The following NEK11 variants were observed in gnomAD, a reference collection of about 807,000 sequenced individuals.
NEK11 encodes the protein NIMA related kinase 11, also known as serine/threonine-protein kinase Nek11.
A neutral mutation model predicts 80.7 loss-of-function variants in NEK11; 72 were observed. That is an observed-to-expected ratio of 0.89 (90% CI 0.74 to 1.08). The LOEUF is 1.08. Ranked by LOEUF, NEK11 falls within the 50% of genes least tolerant of loss-of-function variation. NEK11 has a pLI of 0.00. For missense variants in NEK11, 764 were observed against 763.6 expected (o/e 1.00, Z -0.01); for synonymous variants, 251 against 260.7 (o/e 0.96, Z 0.36).
intron 14 of NEK11, among the ~76,000 whole-genome samples, chr3:131,227,889 A>G (rs1009079233): frequency 2.0e-5 from 3 of 152,272 alleles, no homozygotes; most frequent in African/African-American, 4.8e-5. Flanking sequence ...GCTTATTGTC[A>G]TCAGCTTAGG....
At position 131,273,458 on chromosome 3, in the gene NEK11, G is replaced by C. The variant is rs1173039757; in HGVS notation, c.1622-20G>C. The stretch of plus-strand genomic sequence containing the variant: ...CAGGATTGCTGATGAAGTCAATAAG[G>C]GCTGTGCATTGATTTTCAGACACAA... On this transcript the variant is annotated intron_variant, in intron 16 of 17. Transcript: ENST00000383366. 1.3e-6 allele frequency: 2 copies of C among 1,594,438 alleles called. No homozygotes were observed. Among genetic ancestry groups the C allele is most frequent in the African/African-American group, 1.3e-5 (1 of 74,470 alleles).
chr3:131,313,194 G>A (rs1273610478), intron 17 of NEK11, among the ~76,000 whole-genome samples: 4 of 152,138 alleles, frequency 2.6e-5, no homozygotes, highest in Admixed American at 1.3e-4. Context: ...TGGTGTATAT[G>A]TACCACATTT....
chr3:131,179,832 A>G (rs1162663272), intron 14 of NEK11, among the ~76,000 whole-genome samples: 1 of 152,194 alleles, frequency 6.6e-6, no homozygotes, highest in Admixed American at 6.5e-5. Flanking sequence ...TTAATGATAT[A>G]TAATATAATG....
At chr3:131,294,984 C>T (rs137969973) in intron 17 of NEK11, among the ~76,000 whole-genome samples, 1,562 of 152,180 alleles carry the variant, frequency 0.01, 22 homozygotes, top group African/African-American at 0.034. Flanking sequence ...GTGAGTTTCT[C>T]GTAATTAACA....
rs1223239584 is a variant in NEK11, at chr3:131,033,422, C to G, written c.170+3544C>G. ...ACACATCAGAATAGATATGACTTCC[C>G]TTTTTGTTTTGCAGATACACCCTTA... is the stretch of plus-strand genomic sequence containing the variant. On this transcript the variant is annotated intron_variant, in intron 3 of 17. Coordinates refer to ENST00000383366, the MANE Select transcript of NEK11 (RefSeq NM_024800.5). 2.0e-5 allele frequency among the ~76,000 whole-genome samples: 3 copies of G among 152,058 alleles called. No individual in the cohort carries two copies. The East Asian group carries it at 5.8e-4, about 29-fold the overall frequency.
At chr3:131,190,510 T>G (rs1367889304) in intron 14 of NEK11, among the ~76,000 whole-genome samples, 1 of 152,134 alleles carries the variant, frequency 6.6e-6, no homozygotes, top group Non-Finnish European at 1.5e-5. Context: ...TTCTGTTGCT[T>G]CCTGTCTCAC....
chr3:131,089,475 A>G (rs1455082897), intron 4 of NEK11, among the ~76,000 whole-genome samples: 1 of 152,126 alleles, frequency 6.6e-6, no homozygotes, highest in Non-Finnish European at 1.5e-5. Context: ...GTCTTGCTCT[A>G]TTGCCCAGTC....
At chr3:131,115,237 G>A (rs1038686844) in intron 5 of NEK11, among the ~76,000 whole-genome samples, 2 of 152,116 alleles carry the variant, frequency 1.3e-5, no homozygotes, top group Non-Finnish European at 1.5e-5. Context: ...CCTCAGACTG[G>A]GATTTACACC....
At chr3:131,209,588 G>A (rs2094548093) in intron 14 of NEK11, among the ~76,000 whole-genome samples, 1 of 152,164 alleles carries the variant, frequency 6.6e-6, no homozygotes, top group Non-Finnish European at 1.5e-5. Flanking sequence ...ACCTCTGGTA[G>A]AATTTGGCTG....
intron 16 of NEK11, among the ~76,000 whole-genome samples, chr3:131,271,865 C>A (rs1025006437): frequency 8.6e-5 from 13 of 151,710 alleles, no homozygotes; most frequent in African/African-American, 2.9e-4. Flanking sequence ...CCGAGGTGGG[C>A]GGATCACCTG....
chr3:131,248,956 T>C (rs1486714437), intron 16 of NEK11, among the ~76,000 whole-genome samples: 2 of 152,058 alleles, frequency 1.3e-5, no homozygotes, highest in South Asian at 2.1e-4. Context: ...CTGCTAAAAA[T>C]TGAAATAGCA....
intron 7 of NEK11, among the ~76,000 whole-genome samples, chr3:131,136,219 G>A (rs1421882031): frequency 6.6e-6 from 1 of 152,082 alleles, no homozygotes; most frequent in African/African-American, 2.4e-5. Context: ...CCTTATTATG[G>A]ATTTAGTAAT....
intron 17 of NEK11, among the ~76,000 whole-genome samples, chr3:131,288,792 A>G (rs1433126626): frequency 6.6e-6 from 1 of 152,184 alleles, no homozygotes; most frequent in Non-Finnish European, 1.5e-5. Context: ...CTCTTAGATT[A>G]TGACTTTCCT....
intron 15 of NEK11, among the ~76,000 whole-genome samples, chr3:131,234,932 T>C (rs954265127): frequency 6.6e-6 from 1 of 151,992 alleles, no homozygotes; most frequent in Non-Finnish European, 1.5e-5. Context: ...ATTAGGTCCA[T>C]TATAGGGTTT....
At chr3:131,179,980 C>T (rs2093259402) in intron 14 of NEK11, among the ~76,000 whole-genome samples, 1 of 152,162 alleles carries the variant, frequency 6.6e-6, no homozygotes. Context: ...ATTTATAGCT[C>T]ATTCCTATAA....
At chr3:131,305,545 T>C (rs1219303067) in intron 17 of NEK11, among the ~76,000 whole-genome samples, 13 of 152,180 alleles carry the variant, frequency 8.5e-5, no homozygotes, top group South Asian at 2.1e-4. Context: ...AGGAGCATGG[T>C]GAGCCTTGGG....
chr3:131,087,815 G>A (rs2076208092), intron 4 of NEK11, among the ~76,000 whole-genome samples: 1 of 152,146 alleles, frequency 6.6e-6, no homozygotes, highest in Non-Finnish European at 1.5e-5. Context: ...TGGGTGTGTT[G>A]TGTCTAGTAT....
intron 17 of NEK11, among the ~76,000 whole-genome samples, chr3:131,344,788 G>T (rs1199313452): frequency 6.6e-6 from 1 of 152,048 alleles, no homozygotes; most frequent in Non-Finnish European, 1.5e-5. Flanking sequence ...GAGGGGAGAG[G>T]TGCCACACTT....
intron 14 of NEK11, among the ~76,000 whole-genome samples, chr3:131,186,137 C>A (rs1043582897): frequency 7.9e-5 from 12 of 152,128 alleles, no homozygotes; most frequent in East Asian, 5.8e-4. Context: ...TCACATAAAA[C>A]CTTTGAAATG....
Sources: gnomAD v4.1 joint callset for allele counts (sites outside exome capture counted in the v4.1 genomes callset) on GRCh38, gnomAD v4.1.1 for gene constraint, MANE v1.5 for transcripts, NCBI Gene and HGNC (gene_info 2026-07-23, HGNC 2026-07-21) for gene names.